Variants in SLC35F5 observed in about 807,000 individuals in gnomAD.
The protein encoded by SLC35F5 is HCV NS5A-transactivated protein 3.
Under a neutral mutation model 68.6 loss-of-function variants are expected in SLC35F5, and 54 were observed. That is an observed-to-expected ratio of 0.79 (90% CI 0.63 to 0.99). SLC35F5 has a LOEUF of 0.99. SLC35F5 is among the 50% of genes least tolerant of loss of function. The probability of loss-of-function intolerance (pLI) is 0.00; values close to 1 mark genes in which losing one functional copy is unlikely to be tolerated. For missense variants in SLC35F5, 567 were observed against 626.9 expected (o/e 0.90, Z 1.02); for synonymous variants, 211 against 205.2 (o/e 1.03, Z -0.24).
At chr2:113,718,940 AAAGGAAGG>A (rs200771776) in intron 14 of SLC35F5, among the ~76,000 whole-genome samples, 4 of 150,068 alleles carry the variant, frequency 2.7e-5, no homozygotes, top group South Asian at 2.1e-4. Context: ...AGAAAGGAAG[AAAGGAAGG>A]AAGGAAGAAA....
Position 113,750,575 on chromosome 2 carries a change from A to G in SLC35F5, c.274-7T>C, listed in dbSNP as rs749928558. 2.5e-6 allele frequency: 4 copies of G among 1,596,376 alleles called. No homozygotes were observed. Among genetic ancestry groups the G allele is most frequent in the East Asian group, 2.2e-5 (1 of 44,508 alleles). ...TGTACTGGGTAAAAACATACTGTAG[A>G]GGAAAAAGTTACACAGACAACTCTG... On this transcript the variant is annotated splice_polypyrimidine_tract_variant and splice_region_variant and intron_variant, in intron 3 of 15. Coordinates refer to ENST00000245680, the MANE Select transcript of SLC35F5 (RefSeq NM_025181.5).
intron 11 of SLC35F5, among the ~76,000 whole-genome samples, chr2:113,726,314 C>A (rs555880479): frequency 6.6e-6 from 1 of 151,940 alleles, no homozygotes; most frequent in South Asian, 2.1e-4. Flanking sequence ...ATGGTAAGCA[C>A]TTAATAAAAG....
At chr2:113,704,085 G>A (rs1374060481), downstream of SLC35F5, 1 of 152,282 alleles carries the variant, frequency 6.6e-6, no homozygotes, top group Non-Finnish European at 1.5e-5. Flanking sequence ...AGGCAGTGTG[G>A]ACCCAAAGAG....
At chr2:113,746,253 C>A (rs1445854641) in intron 5 of SLC35F5, 24 bp downstream of exon 5, 2 of 1,600,350 alleles carry the variant, frequency 1.2e-6, no homozygotes, top group Non-Finnish European at 1.7e-6. Context: ...CCTCTCTATT[C>A]CTGACAAGAA....
chr2:113,704,763 C>T (rs539212604), downstream of SLC35F5, among the ~76,000 whole-genome samples: 1 of 152,228 alleles, frequency 6.6e-6, no homozygotes, highest in East Asian at 1.9e-4. Flanking sequence ...CCGCGCGCAG[C>T]CCCTGTTCCC....
At chr2:113,754,725 C>T (rs1225438759) in intron 3 of SLC35F5, among the ~76,000 whole-genome samples, 3 of 152,140 alleles carry the variant, frequency 2.0e-5, no homozygotes, top group African/African-American at 7.2e-5. Flanking sequence ...TGGATGCAAC[C>T]ACTCATGGGC....
chr2:113,755,882 G>C, intron 1 of SLC35F5: 2 of 1,550,604 alleles, frequency 1.3e-6, no homozygotes, highest in Non-Finnish European at 1.7e-6. Flanking sequence ...TCCATCCCTG[G>C]GGACAGCGTC....
chr2:113,716,210 G>A (rs1337419110), intron 15 of SLC35F5, among the ~76,000 whole-genome samples: 1 of 152,154 alleles, frequency 6.6e-6, no homozygotes, highest in Non-Finnish European at 1.5e-5. Context: ...GAGGGGTGAA[G>A]AAACAACTAA....
chr2:113,756,180 C>G, intron 1 of SLC35F5, 190 bp downstream of exon 1: 1 of 1,468,870 alleles, frequency 6.8e-7, no homozygotes, highest in Non-Finnish European at 9.0e-7. Context: ...CGCACGGCTT[C>G]CTCAATTGCC....
At chr2:113,742,935 C>A in intron 6 of SLC35F5, 56 bp from the exon 7 acceptor site, 1 of 1,518,220 alleles carries the variant, frequency 6.6e-7, no homozygotes, top group Non-Finnish European at 9.0e-7. Context: ...CAACAAAAGT[C>A]ACAAGTTTTA....
chr2:113,755,837 A>C lies in SLC35F5; in HGVS notation c.41-293T>G, dbSNP rs1330629597. The C allele has an allele frequency of 1.9e-6, 3 of 1,549,066 alleles. No homozygotes were observed. The South Asian group carries it at 3.6e-5, about 18-fold the overall frequency. ...AAAATAGCTTCTCTGAGTTTCACAA[A>C]TACGGAACTCCATTCACCTCTCCAT... On this transcript the variant is annotated intron_variant, in intron 1 of 15. Transcript: ENST00000245680.
In SLC35F5 at chr2:113,725,518, AT is replaced by A; in HGVS notation, c.1109del (p.Asn370IlefsTer26). On this transcript the variant is annotated frameshift_variant, in exon 12 of 16. Transcript: ENST00000245680. LOFTEE classifies it high-confidence loss of function. ...PMFFGFVGLFNLLLLWPGFFL... is the reference protein window; with the variant it reads ...PMFFGFVGLFXLLLLWPGFFL... ...AGAAACCTGGCCATAAGAGCAGCAG[AT>A]TAAACAAACCTACAAAACCTGAACA... 3.8e-6 allele frequency: 6 copies of A among 1,584,596 alleles called. No homozygotes were observed. Among genetic ancestry groups the A allele is most frequent in the Non-Finnish European group, 4.3e-6 (5 of 1,172,898 alleles).
At chr2:113,723,956 A>G (rs1687558852) in intron 12 of SLC35F5, among the ~76,000 whole-genome samples, 1 of 152,232 alleles carries the variant, frequency 6.6e-6, no homozygotes, top group African/African-American at 2.4e-5. Flanking sequence ...AAGCCAAGAT[A>G]AAACCATAAT....
rs1179021186 is a variant in SLC35F5, at chr2:113,756,623, C to A, written c.-214G>T. 8 of 1,298,458 alleles carry A rather than the reference C, an allele frequency of 6.2e-6. No homozygotes were observed. Among genetic ancestry groups the A allele is most frequent in the African/African-American group, 1.6e-5 (1 of 63,614 alleles). The allele number at this position is 1,298,458 out of a possible 1,614,324, so 80.4% of individuals were successfully genotyped here. On this transcript the variant is annotated 5_prime_UTR_variant, in exon 1 of 16. Transcript: ENST00000245680. The stretch of plus-strand genomic sequence containing the variant: ...GAAGGGACGGCACAGTCAGCTATGG[C>A]CGCGGAGGCCCGGAGATCTGCTCTG...
chr2:113,738,735 T>G (rs1240861193), intron 7 of SLC35F5, among the ~76,000 whole-genome samples: 1 of 120,522 alleles, frequency 8.3e-6, no homozygotes, highest in African/African-American at 3.1e-5. Flanking sequence ...TAACTCCTTT[T>G]GATCTACACT....
At position 113,709,618 on chromosome 2, in the gene SLC35F5, A is replaced by G. The variant is rs935643; in HGVS notation, c.*5600T>C. On this transcript the variant is annotated 3_prime_UTR_variant, in exon 16 of 16. Coordinates refer to ENST00000245680, the MANE Select transcript of SLC35F5 (RefSeq NM_025181.5). ...ATAATCTCCCCCAAATAAATTCACT[A>G]ATGAGGAACAGAAGGAATCCAACGT... Among the ~76,000 whole-genome samples the G allele has an allele frequency of 0.013, 1,953 of 152,256 alleles. 75 individuals are homozygous for G. The highest frequency in any genetic ancestry group is 0.11 in the East Asian group (568 of 5,170).
At chr2:113,753,292 C>T (rs1367249092) in intron 3 of SLC35F5, among the ~76,000 whole-genome samples, 2 of 148,436 alleles carry the variant, frequency 1.3e-5, no homozygotes, top group Non-Finnish European at 3.0e-5. Context: ...GATTCTCCTG[C>T]CTCAGCCTCC....
intron 1 of SLC35F5, chr2:113,755,852 C>A: frequency 6.5e-7 from 1 of 1,550,284 alleles, no homozygotes; most frequent in Non-Finnish European, 8.7e-7. Flanking sequence ...GAACTCCATT[C>A]ACCTCTCCAT....
rs1423345069 is a variant in SLC35F5, at chr2:113,729,481, G to A, written c.1010C>T (p.Ala337Val). 5.0e-6 allele frequency: 8 copies of A among 1,591,414 alleles called. No homozygotes were observed. Among genetic ancestry groups the A allele is most frequent in the Non-Finnish European group, 6.8e-6 (8 of 1,169,664 alleles). Residue 337 changes from alanine to valine, a missense_variant, in exon 11 of 16, where the codon GCC (alanine) becomes GTC (valine). Physicochemically the swap from Ala to Val is moderately conservative, Grantham distance 64. Coordinates refer to ENST00000245680, the MANE Select transcript of SLC35F5 (RefSeq NM_025181.5). Reference protein sequence around the residue: ...TVGSIWSLAGAMLYAVYIVMI... With the variant: ...TVGSIWSLAGVMLYAVYIVMI... ...AACAATATAGACAGCATAGAGCATG[G>A]CTCCAGCAAGAGACCAAATGGAACC...
Sources: gnomAD v4.1 joint callset for allele counts (sites outside exome capture counted in the v4.1 genomes callset) on GRCh38, gnomAD v4.1.1 for gene constraint, MANE v1.5 for transcripts, NCBI Gene and HGNC (gene_info 2026-07-23, HGNC 2026-07-21) for gene names.